THEMIS: variants seen among roughly 807,000 people sequenced by gnomAD.
THEMIS encodes protein THEMIS.
Under a neutral mutation model 52.6 loss-of-function variants are expected in THEMIS, and 37 were observed. The ratio of observed to expected loss-of-function variants is 0.70; its 90% CI spans 0.54 to 0.93. THEMIS has a LOEUF of 0.93. Ranked by LOEUF, THEMIS falls within the 40% of genes least tolerant of loss-of-function variation. The pLI is 0.00. For synonymous variants in THEMIS, 292 were observed against 272.7 expected (o/e 1.07, Z -0.70); for missense variants, 808 against 763.1 (o/e 1.06, Z -0.69).
intron 1 of THEMIS, among the ~76,000 whole-genome samples, chr6:127,863,890 A>G (rs1779888688): frequency 6.6e-6 from 1 of 152,182 alleles, no homozygotes; most frequent in South Asian, 2.1e-4. Context: ...ACAGTAGAAA[A>G]AGTACAAATG....
chr6:127,736,144 A>C (rs886805027), intron 4 of THEMIS, among the ~76,000 whole-genome samples: 1 of 152,166 alleles, frequency 6.6e-6, no homozygotes, highest in Non-Finnish European at 1.5e-5. Flanking sequence ...TGAAATTCTC[A>C]CTTAGTCAAG....
chr6:127,738,435 C>G (rs917346727), intron 4 of THEMIS, among the ~76,000 whole-genome samples: 1 of 152,144 alleles, frequency 6.6e-6, no homozygotes, highest in Non-Finnish European at 1.5e-5. Context: ...TGAGAAAGTT[C>G]TATCTTATTA....
chr6:127,734,790 AC>A (rs1774931555), intron 4 of THEMIS, among the ~76,000 whole-genome samples: 1 of 143,268 alleles, frequency 7.0e-6, no homozygotes, highest in Non-Finnish European at 1.5e-5. Context: ...AATCGCTTGA[AC>A]CCGAGAGGCT....
At chr6:127,768,012 C>A (rs953378219) in intron 4 of THEMIS, among the ~76,000 whole-genome samples, 1 of 152,116 alleles carries the variant, frequency 6.6e-6, no homozygotes, top group Non-Finnish European at 1.5e-5. Flanking sequence ...CTGATACAGT[C>A]TTTCATGAGT....
intron 2 of THEMIS, among the ~76,000 whole-genome samples, chr6:127,838,686 T>C (rs1778948896): frequency 6.6e-6 from 1 of 152,110 alleles, no homozygotes; most frequent in South Asian, 2.1e-4. Context: ...GGTATAATGT[T>C]GATGATCCAA....
Position 127,874,968 on chromosome 6 carries a change from G to C in THEMIS, c.92-19780C>G, listed in dbSNP as rs546165720. On this transcript the variant is annotated intron_variant, in intron 1 of 5. Transcript: ENST00000368248. ...CAAAGCTGAGCTTCACCTTTCATCA[G>C]ATCAGCGGGCATTAGATTCTCCTAG... is the stretch of plus-strand genomic sequence containing the variant. 7.2e-5 allele frequency among the ~76,000 whole-genome samples: 11 copies of C among 152,356 alleles called. No individual in the cohort carries two copies. In the East Asian group the frequency reaches 2.1e-3, roughly 29 times the overall value.
chr6:127,863,829 T>C (rs932336539), intron 1 of THEMIS, among the ~76,000 whole-genome samples: 3 of 152,186 alleles, frequency 2.0e-5, no homozygotes, highest in African/African-American at 4.8e-5. Flanking sequence ...TAACCAGCCG[T>C]TTCACACTAG....
intron 5 of THEMIS, among the ~76,000 whole-genome samples, chr6:127,711,084 C>A (rs1773965739): frequency 6.6e-6 from 1 of 151,054 alleles, no homozygotes; most frequent in African/African-American, 2.4e-5. Context: ...TTCCTGCTTC[C>A]TCTCTTCTTT....
At chr6:127,822,910 C>A (rs1778387722) in intron 3 of THEMIS, among the ~76,000 whole-genome samples, 1 of 152,100 alleles carries the variant, frequency 6.6e-6, no homozygotes, top group African/African-American at 2.4e-5. Flanking sequence ...TGAGCCTGTG[C>A]AGCCTGTCCT....
downstream of THEMIS, among the ~76,000 whole-genome samples, chr6:127,706,257 C>T (rs1773796176): frequency 6.6e-6 from 1 of 151,994 alleles, no homozygotes; most frequent in Non-Finnish European, 1.5e-5. Context: ...TGAGGACTTA[C>T]TTTTTCTCAG....
intron 1 of THEMIS, among the ~76,000 whole-genome samples, chr6:127,885,748 A>C (rs565198311): frequency 6.6e-6 from 1 of 152,276 alleles, no homozygotes; most frequent in African/African-American, 2.4e-5. Flanking sequence ...GGCATTTACA[A>C]ATTGTTACAA....
chr6:127,702,616 GT>G, the THEMIS span, among the ~76,000 whole-genome samples: 4,631 of 140,754 alleles, frequency 0.033, 220 homozygotes, highest in African/African-American at 0.11. Context: ...TGTCTAACCT[GT>G]TTTTTTTTTT....
At chr6:127,741,838 G>C (rs1420492117) in intron 4 of THEMIS, among the ~76,000 whole-genome samples, 1 of 152,190 alleles carries the variant, frequency 6.6e-6, no homozygotes, top group Non-Finnish European at 1.5e-5. Flanking sequence ...GTGACAGTTG[G>C]TCCCAAGCAA....
intron 2 of THEMIS, among the ~76,000 whole-genome samples, chr6:127,846,379 G>A (rs1032351888): frequency 5.3e-5 from 8 of 151,858 alleles, no homozygotes; most frequent in African/African-American, 1.2e-4. Context: ...AATAGAAGCT[G>A]TTCCTGCAGA....
intron 2 of THEMIS, among the ~76,000 whole-genome samples, chr6:127,840,908 G>T (rs186402500): frequency 6.6e-4 from 101 of 152,164 alleles, no homozygotes; most frequent in African/African-American, 2.3e-3. Context: ...AAAATATGGA[G>T]ACAGGAAAAG....
chr6:127,841,292 G>A (rs1428498582), intron 2 of THEMIS, among the ~76,000 whole-genome samples: 3 of 151,952 alleles, frequency 2.0e-5, no homozygotes, highest in African/African-American at 4.8e-5. Flanking sequence ...TTATAGAAAT[G>A]TTCTCTACCA....
chr6:127,717,180 T>C (rs1166453927), intron 5 of THEMIS, among the ~76,000 whole-genome samples: 2 of 147,264 alleles, frequency 1.4e-5, no homozygotes, highest in Non-Finnish European at 3.1e-5. Flanking sequence ...AACTTTTACC[T>C]ATTTGATCTA....
chr6:127,713,494 C>T (rs1380241962), intron 5 of THEMIS, among the ~76,000 whole-genome samples: 1 of 151,838 alleles, frequency 6.6e-6, no homozygotes, highest in Admixed American at 6.6e-5. Flanking sequence ...TAAAAAATCC[C>T]TGCCTTCATA....
At chr6:127,778,739 A>G (rs1162360749) in intron 4 of THEMIS, among the ~76,000 whole-genome samples, 1 of 151,328 alleles carries the variant, frequency 6.6e-6, no homozygotes, top group Non-Finnish European at 1.5e-5. Context: ...TTTGTATTTT[A>G]TTTTTAGTAA....
Sources: gnomAD v4.1 joint callset for allele counts (sites outside exome capture counted in the v4.1 genomes callset) on GRCh38, gnomAD v4.1.1 for gene constraint, MANE v1.5 for transcripts, NCBI Gene and HGNC (gene_info 2026-07-23, HGNC 2026-07-21) for gene names.